Variants in ATR observed in about 807,000 individuals in gnomAD.
ATR encodes the protein ATR checkpoint kinase, also known as serine/threonine-protein kinase ATR.
In ATR, 142 loss-of-function variants were observed where a neutral mutation model predicts 305.3. The observed-to-expected ratio is 0.47, with a 90% CI of 0.41 to 0.53. The LOEUF (loss-of-function observed/expected upper bound fraction) is 0.53. Among genes scored for constraint, ATR ranks in the 20% least tolerant of loss-of-function variants. The pLI, the probability that ATR is intolerant of heterozygous loss-of-function variation, is 0.00. For missense variants in ATR, 2,135 were observed against 3,133.1 expected, an observed-to-expected ratio of 0.68 and a Z score of 7.60; for synonymous variants, 1,050 against 1,068.1, an observed-to-expected ratio of 0.98 and a Z score of 0.33.
At chr3:142,511,904 AG>A (rs1465054768) in intron 27 of ATR, among the ~76,000 whole-genome samples, 1 of 152,122 alleles carries the variant, frequency 6.6e-6, no homozygotes, top group Non-Finnish European at 1.5e-5. Flanking sequence ...ACCTGAGGTC[AG>A]GAGTTCGAGA....
chr3:142,449,295 A>G lies in ATR; in HGVS notation c.*134T>C, dbSNP rs1195134469. 1.3e-6 allele frequency: 1 copy of G among 765,214 alleles called. No homozygotes were observed. Among genetic ancestry groups the G allele is most frequent in the Non-Finnish European group, 2.1e-6 (1 of 472,162 alleles). 47.4% of individuals were successfully genotyped at this position (765,214 alleles called of 1,614,324 possible). A position where few individuals can be genotyped will look rare whatever the true frequency, so the allele number is the denominator to read the frequency against. ...ATGTATATTATTTTACATATAATTA[A>G]TGATCAGAGAGAAATAACAGTTGCT... On this transcript the variant is annotated 3_prime_UTR_variant, in exon 47 of 47. Coordinates refer to ENST00000350721, the MANE Select transcript of ATR (RefSeq NM_001184.4).
intron 23 of ATR, among the ~76,000 whole-genome samples, 189 bp downstream of exon 23, chr3:142,522,539 G>A (rs2033190888): frequency 6.6e-6 from 1 of 152,052 alleles, no homozygotes; most frequent in Non-Finnish European, 1.5e-5. Context: ...CAAAAATTTT[G>A]AAAGTAACTA....
At chr3:142,479,119 A>T (rs1282586272) in intron 36 of ATR, among the ~76,000 whole-genome samples, 1 of 148,200 alleles carries the variant, frequency 6.7e-6, no homozygotes, top group Non-Finnish European at 1.5e-5. Flanking sequence ...TGTGAATTTG[A>T]TCCTCTCAGT....
At chr3:142,545,251 C>T (rs554817830) in intron 16 of ATR, among the ~76,000 whole-genome samples, 1 of 152,030 alleles carries the variant, frequency 6.6e-6, no homozygotes, top group Non-Finnish European at 1.5e-5. Context: ...TGTGATAATG[C>T]TATAAGAAAA....
Position 142,554,193 on chromosome 3 carries a change from T to A in ATR, c.2342-178A>T, listed in dbSNP as rs549708982. Among the ~76,000 whole-genome samples, 273 of 152,312 alleles carry A rather than the reference T, an allele frequency of 1.8e-3. 1 individual carries two copies. Among genetic ancestry groups the A allele is most frequent in the African/African-American group, 6.0e-3 (249 of 41,562 alleles). On this transcript the variant is annotated intron_variant, in intron 10 of 46. Transcript: ENST00000350721. ...TTTAGGAAATTAAAATGGATACTTA[T>A]AAATTAAAATTACTTTATATTTAAT...
In ATR at chr3:142,560,372, C is replaced by T. The variant is rs371017404; in HGVS notation, c.1432G>A (p.Glu478Lys). The change falls in exon 6 of 47, where the codon GAA becomes AAA. Residue 478 changes from glutamate to lysine, a missense_variant. Around this residue, in one of 9 missense-constraint regions of ATR, gnomAD observed 744 missense variants for 873.2 expected, o/e 0.85. Coordinates refer to ENST00000350721, the MANE Select transcript of ATR (RefSeq NM_001184.4). ...QKAESLQISL[E>K]YSGLKNPVIE... is the part of the protein sequence containing the mutation. ...ACAGGATTCTTTAGGCCACTGTATT[C>T]AAGGGAAATCTGAAGGGATTCAGCT... is the stretch of plus-strand genomic sequence containing the variant. The T allele has an allele frequency of 6.2e-7, 1 of 1,613,668 alleles. No homozygotes were observed. The highest frequency in any genetic ancestry group is 8.5e-7 in the Non-Finnish European group (1 of 1,179,830).
Position 142,538,533 on chromosome 3 carries a change from ATG to A in ATR, c.3672_3673del (p.Ile1225ProfsTer3). 2 of 1,613,448 alleles carry A rather than the reference ATG, an allele frequency of 1.2e-6. No individual in the cohort carries two copies. Among genetic ancestry groups the A allele is most frequent in the Non-Finnish European group, 1.7e-6 (2 of 1,179,556 alleles). On this transcript the variant is annotated frameshift_variant, in exon 19 of 47. Transcript: ENST00000350721. LOFTEE classifies it high-confidence loss of function. The stretch of plus-strand genomic sequence containing the variant: ...GATAGCTGCAGTTTCTTTAGGCTGG[ATG>A]TGTATAAGAGGTAACAAAGCTACTA...
chr3:142,509,560 T>TC (rs1425686239), intron 27 of ATR, among the ~76,000 whole-genome samples: 2 of 135,344 alleles, frequency 1.5e-5, no homozygotes, highest in Admixed American at 1.5e-4. Context: ...TTTTTTTTTT[T>TC]TTTTTTTTTT....
chr3:142,571,640 A>G (rs1019757862), intron 1 of ATR, among the ~76,000 whole-genome samples: 56 of 152,174 alleles, frequency 3.7e-4, no homozygotes, highest in Non-Finnish European at 6.0e-4. Flanking sequence ...GTGTAGTAAG[A>G]CAGTTACTTA....
intron 36 of ATR, among the ~76,000 whole-genome samples, chr3:142,482,647 C>T (rs1184612504): frequency 1.3e-5 from 2 of 152,022 alleles, no homozygotes; most frequent in East Asian, 1.9e-4. Flanking sequence ...GCCTGAGCAA[C>T]ATAGTGAGAC....
intron 36 of ATR, among the ~76,000 whole-genome samples, chr3:142,477,455 G>A (rs150515648): frequency 4.2e-4 from 64 of 152,286 alleles, no homozygotes; most frequent in Non-Finnish European, 6.9e-4. Flanking sequence ...CTTCATCATG[G>A]TGGATAAGCT....
At chr3:142,517,996 C>T (rs981780824) in intron 24 of ATR, among the ~76,000 whole-genome samples, 1 of 151,986 alleles carries the variant, frequency 6.6e-6, no homozygotes, top group Non-Finnish European at 1.5e-5. Flanking sequence ...AAAATTAAAA[C>T]CTGGAAATGT....
chr3:142,478,963 T>A (rs2030184019), intron 36 of ATR, among the ~76,000 whole-genome samples: 1 of 152,200 alleles, frequency 6.6e-6, no homozygotes, highest in African/African-American at 2.4e-5. Flanking sequence ...TCCATCCTTT[T>A]ATTTTGAGCC....
chr3:142,524,667 T>C (rs186166434), intron 21 of ATR, among the ~76,000 whole-genome samples: 11 of 152,218 alleles, frequency 7.2e-5, no homozygotes, highest in Middle Eastern at 3.4e-3. Flanking sequence ...AACTATTAGG[T>C]TAAAACAAGA....
chr3:142,542,522 C>T (rs2034089493), intron 17 of ATR, 143 bp downstream of exon 17: 1 of 827,348 alleles, frequency 1.2e-6, no homozygotes, highest in Non-Finnish European at 2.0e-6. Flanking sequence ...TTTTAGACTC[C>T]CAAAAAACGT....
At chr3:142,571,819 G>A (rs1236364127) in intron 1 of ATR, among the ~76,000 whole-genome samples, 1 of 152,114 alleles carries the variant, frequency 6.6e-6, no homozygotes, top group Non-Finnish European at 1.5e-5. Flanking sequence ...GTGAAGTGCA[G>A]TTAGTGGCAC....
Position 142,566,217 on chromosome 3 carries a change from C to T in ATR, c.196G>A (p.Val66Met), listed in dbSNP as rs758564083. Reference protein sequence around the residue: ...VKKTDSQPTSVMLLDFIQHIM... With the variant: ...VKKTDSQPTSMMLLDFIQHIM... Reference sequence around the variant, plus strand: ...TGCTGGATGAAATCAAGCAACATCACGGAGGTTGGCTGAGAGTCAGTTTTC... The same window carrying T: ...TGCTGGATGAAATCAAGCAACATCATGGAGGTTGGCTGAGAGTCAGTTTTC... Residue 66 changes from valine (V) to methionine (M), a missense_variant, in exon 3 of 47, where the codon GTG becomes ATG. Val to Met is a conservative substitution (Grantham distance 21). This residue lies in a region of ATR where 744 missense variants were observed against 873.2 expected (regional missense o/e 0.85). Transcript: ENST00000350721. 46 of 1,613,812 alleles carry T rather than the reference C, an allele frequency of 2.9e-5. No homozygotes were observed. The South Asian group carries it at 3.2e-4, about 11-fold the overall frequency.
chr3:142,525,569 A>G (rs905779545), intron 21 of ATR, among the ~76,000 whole-genome samples: 1 of 152,098 alleles, frequency 6.6e-6, no homozygotes, highest in Non-Finnish European at 1.5e-5. Flanking sequence ...TCCAAATCTC[A>G]TATTGAAATG....
At chr3:142,529,258 A>C (rs1265378788) in intron 21 of ATR, among the ~76,000 whole-genome samples, 1 of 152,008 alleles carries the variant, frequency 6.6e-6, no homozygotes, top group African/African-American at 2.4e-5. Flanking sequence ...AAATTAAGGT[A>C]ATTTTTTGAA....
Sources: gnomAD v4.1 joint callset for allele counts (sites outside exome capture counted in the v4.1 genomes callset) on GRCh38, gnomAD v4.1.1 for gene constraint, gnomAD v4.1.1 regional missense constraint, MANE v1.5 for transcripts, NCBI Gene and HGNC (gene_info 2026-07-23, HGNC 2026-07-21) for gene names.